Variants in PPP2R2D observed in about 807,000 individuals in gnomAD.
The protein encoded by PPP2R2D is serine/threonine-protein phosphatase 2A 55 kDa regulatory subunit B delta isoform.
In PPP2R2D, 9 loss-of-function variants were observed where a neutral mutation model predicts 31.1. The observed-to-expected ratio is 0.29, with a 90% CI of 0.17 to 0.51. The LOEUF (loss-of-function observed/expected upper bound fraction) is 0.51, where lower values mean the gene tolerates loss of function less well. Among genes scored for constraint, PPP2R2D ranks in the 20% least tolerant of loss-of-function variants. The pLI, the probability that PPP2R2D is intolerant of heterozygous loss-of-function variation, is 0.98. For synonymous variants in PPP2R2D, 179 were observed against 172.6 expected (o/e 1.04, Z -0.29); for missense variants, 391 against 465.6 (o/e 0.84, Z 1.48).
intron 2 of PPP2R2D, among the ~76,000 whole-genome samples, chr10:131,906,672 G>A (rs1165851648): frequency 6.6e-6 from 1 of 151,226 alleles, no homozygotes. Context: ...TGTAGTCTCA[G>A]CACTTCAGGA....
At chr10:131,914,002 G>C (rs912564250) in intron 2 of PPP2R2D, among the ~76,000 whole-genome samples, 31 of 152,270 alleles carry the variant, frequency 2.0e-4, no homozygotes, top group African/African-American at 7.0e-4. Context: ...CCACTGCACC[G>C]GCACACAGGA....
At chr10:131,918,452 C>G (rs1216833863) in intron 2 of PPP2R2D, among the ~76,000 whole-genome samples, 1 of 140,004 alleles carries the variant, frequency 7.1e-6, no homozygotes, top group East Asian at 2.3e-4. Flanking sequence ...AGGGACCTCA[C>G]ACGGGTGGAG....
At chr10:131,919,146 C>T (rs2035905413) in intron 2 of PPP2R2D, among the ~76,000 whole-genome samples, 1 of 125,754 alleles carries the variant, frequency 8.0e-6, no homozygotes, top group Middle Eastern at 4.9e-3. Flanking sequence ...GGTGGAATGA[C>T]ACAGTGTAGG....
intron 2 of PPP2R2D, among the ~76,000 whole-genome samples, chr10:131,909,139 G>A (rs1452863551): frequency 1.3e-5 from 2 of 152,192 alleles, no homozygotes; most frequent in Non-Finnish European, 2.9e-5. Context: ...CAGGTGGAGA[G>A]TGCTTGGTGT....
chr10:131,932,674 A>C (rs1383392533), intron 2 of PPP2R2D, among the ~76,000 whole-genome samples: 1 of 145,810 alleles, frequency 6.9e-6, no homozygotes, highest in Non-Finnish European at 1.5e-5. Flanking sequence ...AAAAACACAC[A>C]AAAAAAACCT....
At chr10:131,938,199 C>T (rs1554896729) in intron 3 of PPP2R2D, among the ~76,000 whole-genome samples, 1 of 152,230 alleles carries the variant, frequency 6.6e-6, no homozygotes, top group Non-Finnish European at 1.5e-5. Context: ...GGGATGTCTT[C>T]TCCTGATACT....
chr10:131,936,478 A>G (rs2036343489), intron 3 of PPP2R2D, among the ~76,000 whole-genome samples: 1 of 152,208 alleles, frequency 6.6e-6, no homozygotes, highest in Non-Finnish European at 1.5e-5. Context: ...TTGTTGAGTC[A>G]TGGCTATCTT....
intron 2 of PPP2R2D, among the ~76,000 whole-genome samples, chr10:131,907,337 C>A (rs1414082791): frequency 6.6e-6 from 1 of 152,104 alleles, no homozygotes; most frequent in Non-Finnish European, 1.5e-5. Context: ...GGAAAGCATC[C>A]TCTGGGGAAG....
rs1408460973 is a variant in PPP2R2D, at chr10:131,947,441, C to G, written c.821-89C>G. The G allele has an allele frequency of 4.3e-6, 6 of 1,410,590 alleles. No homozygotes were observed. The highest frequency in any genetic ancestry group is 5.7e-6 in the Non-Finnish European group (6 of 1,045,244). The allele number at this position is 1,410,590 out of a possible 1,614,324, so 87.4% of individuals were successfully genotyped here. ...GAGGCCAAGCCCTTCCAGAGTCTCT[C>G]TGAAGGGGCCACTTCCTACTTGAAC... On this transcript the variant is annotated intron_variant, in intron 7 of 8. Transcript: ENST00000455566. This position sits in a 1 kb window ranked among gnomAD's most constrained non-coding sequence, Gnocchi z 4.3.
At position 131,945,468 on chromosome 10, in the gene PPP2R2D, G is replaced by A. The variant is rs559334803; in HGVS notation, c.820+9G>A. ...CGACAGACACTCCAAGTGTAAGTGCGTCTGTTGTTGAGATGGAGTCTGGCT... is the reference window on the plus strand; with the variant it reads ...CGACAGACACTCCAAGTGTAAGTGCATCTGTTGTTGAGATGGAGTCTGGCT... On this transcript the variant is annotated intron_variant, in intron 7 of 8. Coordinates refer to ENST00000455566, the MANE Select transcript of PPP2R2D (RefSeq NM_018461.5). The surrounding 1 kb of genome is among the most constrained non-coding windows in gnomAD (Gnocchi z 4.8). 2.1e-5 allele frequency: 33 copies of A among 1,595,762 alleles called. No individual in the cohort carries two copies. Among genetic ancestry groups the A allele is most frequent in the Middle Eastern group, 3.3e-4 (2 of 5,980 alleles).
At chr10:131,929,718 C>T (rs1454783539) in intron 2 of PPP2R2D, among the ~76,000 whole-genome samples, 1 of 152,184 alleles carries the variant, frequency 6.6e-6, no homozygotes, top group Non-Finnish European at 1.5e-5. Context: ...CCCGCCACCA[C>T]CGGCAGCTGA....
intron 2 of PPP2R2D, among the ~76,000 whole-genome samples, chr10:131,925,623 A>G (rs1469000282): frequency 1.3e-5 from 2 of 152,246 alleles, no homozygotes; most frequent in African/African-American, 2.4e-5. Context: ...AGAAAGTAGT[A>G]TGCAGAATTT....
chr10:131,941,980 G>A (rs535180063), intron 5 of PPP2R2D, among the ~76,000 whole-genome samples: 20 of 152,304 alleles, frequency 1.3e-4, no homozygotes, highest in African/African-American at 2.6e-4. Flanking sequence ...CAGTGCTGCC[G>A]CCTTTGCACC....
At chr10:131,924,616 G>C (rs868965628) in intron 2 of PPP2R2D, among the ~76,000 whole-genome samples, 6 of 150,894 alleles carry the variant, frequency 4.0e-5, no homozygotes, top group Admixed American at 1.3e-4. Flanking sequence ...TTCCTCCTCT[G>C]CTCTTTTTAA....
intron 2 of PPP2R2D, among the ~76,000 whole-genome samples, chr10:131,908,441 A>C (rs1360128814): frequency 6.6e-6 from 1 of 152,008 alleles, no homozygotes; most frequent in Non-Finnish European, 1.5e-5. Context: ...ACTGTGTTCC[A>C]TGTTGTTTAG....
chr10:131,938,179 G>A (rs1411237741), intron 3 of PPP2R2D, among the ~76,000 whole-genome samples: 3 of 152,246 alleles, frequency 2.0e-5, no homozygotes, highest in Non-Finnish European at 4.4e-5. Flanking sequence ...GCGGGTGTGG[G>A]TAGCTTCTTG....
intron 2 of PPP2R2D, among the ~76,000 whole-genome samples, chr10:131,916,356 G>A (rs574977059): frequency 1.3e-5 from 2 of 151,074 alleles, no homozygotes; most frequent in Admixed American, 6.6e-5. Context: ...TGAGGTCTAG[G>A]AATTTTTTTT....
Position 131,944,445 on chromosome 10 carries a change from CT to C in PPP2R2D, c.655+311del, listed in dbSNP as rs5789109. ...ATTTGAAAAACCAACATTATGTGTT[CT>C]TTTTTTTTTTCTAAATTTGCTAATG... On this transcript the variant is annotated intron_variant, in intron 6 of 8. Transcript: ENST00000455566. Among the ~76,000 whole-genome samples, 1,025 of 150,000 alleles carry C rather than the reference CT, an allele frequency of 6.8e-3. 11 individuals are homozygous for C. The highest frequency in any genetic ancestry group is 0.024 in the African/African-American group (981 of 40,922).
At chr10:131,919,835 G>A (rs1270332389) in intron 2 of PPP2R2D, among the ~76,000 whole-genome samples, 1 of 139,292 alleles carries the variant, frequency 7.2e-6, no homozygotes, top group East Asian at 2.5e-4. Context: ...TGTTTGTAGG[G>A]ACCTCAGGTG....
Sources: gnomAD v4.1 joint callset for allele counts (sites outside exome capture counted in the v4.1 genomes callset) on GRCh38, gnomAD v4.1.1 for gene constraint, Gnocchi (gnomAD v3.1) non-coding constraint, MANE v1.5 for transcripts, NCBI Gene and HGNC (gene_info 2026-07-23, HGNC 2026-07-21) for gene names.